Variants in METTL14 observed in about 807,000 individuals in gnomAD.
The protein encoded by METTL14 is methyltransferase 14, N6-adenosine-methyltransferase non-catalytic subunit, also known as N(6)-adenosine-methyltransferase non-catalytic subunit METTL14.
METTL14 carries 32 observed loss-of-function variants against 62.4 expected under a neutral mutation model. The observed-to-expected ratio is 0.51, with a 90% confidence interval of 0.39 to 0.69. The LOEUF (loss-of-function observed/expected upper bound fraction) is 0.69, where lower values mean the gene tolerates loss of function less well. Among genes scored for constraint, METTL14 ranks in the 30% least tolerant of loss-of-function variants. The pLI is 0.00. For synonymous variants in METTL14, 150 were observed against 180.0 expected, an observed-to-expected ratio of 0.83 and a Z score of 1.34; for missense variants, 340 against 551.9, an observed-to-expected ratio of 0.62 and a Z score of 3.85.
At chr4:118,703,092 T>C (rs1724652220) in intron 8 of METTL14, among the ~76,000 whole-genome samples, 1 of 151,966 alleles carries the variant, frequency 6.6e-6, no homozygotes, top group Admixed American at 6.6e-5. Context: ...GTATTTCTCC[T>C]AATGCTGTCC....
Position 118,689,458 on chromosome 4 carries a change from G to T in METTL14, c.243+1G>T. ...TGAAGACAAAATGGAAGAATATAAG[G>T]CAAGTAGAGAGTGAAATAAGTTTAT... On this transcript the variant is annotated splice_donor_variant, in intron 3 of 10. Transcript: ENST00000388822. LOFTEE classifies it high-confidence loss of function. 6.5e-7 allele frequency: 1 copy of T among 1,527,292 alleles called. No homozygotes were observed. Among genetic ancestry groups the T allele is most frequent in the Non-Finnish European group, 9.0e-7 (1 of 1,111,454 alleles). The allele number at this position is 1,527,292 out of a possible 1,614,324, so 94.6% of individuals were successfully genotyped here. A position where few individuals can be genotyped will look rare whatever the true frequency, so the allele number is the denominator to read the frequency against.
At chr4:118,691,341 AT>A (rs891274113) in intron 3 of METTL14, among the ~76,000 whole-genome samples, 190 bp from the exon 4 acceptor site, 6 of 152,224 alleles carry the variant, frequency 3.9e-5, no homozygotes, top group Admixed American at 3.3e-4. Context: ...ATGATAGGAA[AT>A]TTTTTTATGA....
chr4:118,693,577 A>G (rs1202366139), intron 5 of METTL14, among the ~76,000 whole-genome samples: 6 of 152,190 alleles, frequency 3.9e-5, no homozygotes, highest in African/African-American at 1.4e-4. Flanking sequence ...CTTGAAGTAG[A>G]GAAACTAATT....
intron 5 of METTL14, among the ~76,000 whole-genome samples, chr4:118,692,711 G>T (rs545529343): frequency 6.6e-6 from 1 of 151,068 alleles, no homozygotes; most frequent in South Asian, 2.1e-4. Flanking sequence ...ACTCAAAAGA[G>T]TTTTTTTTTA....
In METTL14 at chr4:118,701,173, G is replaced by GTTT. The variant is rs370557403; in HGVS notation, c.738+538_738+540dup. 3.0e-3 allele frequency among the ~76,000 whole-genome samples: 342 copies of GTTT among 114,004 alleles called. 9 individuals are homozygous for GTTT. The highest frequency in any genetic ancestry group is 9.4e-3 in the African/African-American group (320 of 34,030). The allele number at this position is 114,004 out of a possible 152,430, so 74.8% of individuals were successfully genotyped here. ...TTTTTATTTTTATTTTTTTATTGGA[G>GTTT]TTTTTTTTTGTTTTTTTTTGTTTTT... On this transcript the variant is annotated intron_variant, in intron 8 of 10. Coordinates refer to ENST00000388822, the MANE Select transcript of METTL14 (RefSeq NM_020961.4).
Position 118,697,295 on chromosome 4 carries a change from C to A in METTL14, c.617C>A (p.Ala206Asp). The A allele has an allele frequency of 6.2e-7, 1 of 1,606,832 alleles. No individual in the cohort carries two copies. The highest frequency in any genetic ancestry group is 8.5e-7 in the Non-Finnish European group (1 of 1,177,900). ...EEYYRETGIT[A>D]NEKCWTWDDI... ...TATTACAGAGAAACTGGCATCACTG[C>A]TAATGAAAAATGCTGGACTTGGGAT... is the stretch of plus-strand genomic sequence containing the variant. Residue 206 changes from alanine (A) to aspartate (D), a missense_variant, in exon 7 of 11, where the codon GCT becomes GAT. Around this residue, in one of 7 missense-constraint regions of METTL14, gnomAD observed 58 missense variants for 147.5 expected, o/e 0.39. Transcript: ENST00000388822.
intron 5 of METTL14, among the ~76,000 whole-genome samples, chr4:118,692,389 T>G (rs1387830739): frequency 6.6e-6 from 1 of 151,606 alleles, no homozygotes; most frequent in Non-Finnish European, 1.5e-5. Flanking sequence ...CCACCGTGCC[T>G]AGATAATTTT....
At chr4:118,691,381 G>A in intron 3 of METTL14, 151 bp from the exon 4 acceptor site, 1 of 516,012 alleles carries the variant, frequency 1.9e-6, no homozygotes, top group Non-Finnish European at 3.4e-6. Flanking sequence ...ATCTAATAAT[G>A]GGAAAGCAAA....
At chr4:118,701,183 G>GTTTTTTTTTTTTTTTTTT in intron 8 of METTL14, among the ~76,000 whole-genome samples, 1 of 132,250 alleles carries the variant, frequency 7.6e-6, no homozygotes, top group Non-Finnish European at 1.7e-5. Flanking sequence ...GTTTTTTTTT[G>GTTTTTTTTTTTTTTTTTT]TTTTTTTTTG....
intron 10 of METTL14, 66 bp from the exon 11 acceptor site, chr4:118,709,932 G>C: frequency 3.4e-6 from 5 of 1,459,430 alleles, no homozygotes; most frequent in Non-Finnish European, 3.7e-6. Flanking sequence ...ATTTGAACTA[G>C]CTTCTAAAGA....
At chr4:118,705,431 G>A (rs989297978) in intron 9 of METTL14, among the ~76,000 whole-genome samples, 180 bp from the exon 10 acceptor site, 1 of 152,208 alleles carries the variant, frequency 6.6e-6, no homozygotes, top group African/African-American at 2.4e-5. Context: ...CTGAGATCGT[G>A]CTACTGTACT....
chr4:118,699,901 G>A (rs1724536953), intron 7 of METTL14, among the ~76,000 whole-genome samples: 1 of 152,048 alleles, frequency 6.6e-6, no homozygotes, highest in African/African-American at 2.4e-5. Flanking sequence ...ATGTAAATAA[G>A]AAAAATGTTT....
At position 118,714,918 on chromosome 4, in the gene METTL14, A is replaced by G. The variant is rs1725010612; in HGVS notation, c.*4616A>G. 1.3e-5 allele frequency: 2 copies of G among 152,240 alleles called. No individual in the cohort carries two copies. The allele number at this position is 152,240 out of a possible 1,614,324, so 9.4% of individuals were successfully genotyped here. Reference sequence around the variant, plus strand: ...CATATTTAAATTATGCATGCATTGTAGCTGTATACTGTGTGACCACATTTA... The same window carrying G: ...CATATTTAAATTATGCATGCATTGTGGCTGTATACTGTGTGACCACATTTA... On this transcript the variant is annotated 3_prime_UTR_variant, in exon 11 of 11. Coordinates refer to ENST00000388822, the MANE Select transcript of METTL14 (RefSeq NM_020961.4).
chr4:118,696,117 C>CAAAAAAAAA lies in METTL14; in HGVS notation c.504-1045_504-1037dup, dbSNP rs70941201. Among the ~76,000 whole-genome samples, 101 of 33,910 alleles carry CAAAAAAAAA rather than the reference C, an allele frequency of 3.0e-3. 18 individuals are homozygous for CAAAAAAAAA. The highest frequency in any genetic ancestry group is 4.0e-3 in the South Asian group (2 of 496). The allele number at this position is 33,910 out of a possible 152,430, so 22.2% of individuals were successfully genotyped here. On this transcript the variant is annotated intron_variant, in intron 6 of 10. Transcript: ENST00000388822. ...CTGGCAACAGAGTGAGACTCTGTCT[C>CAAAAAAAAA]AAAAAAAAAAAAAAAAAAAAAAAAA...
At chr4:118,691,393 AC>A in intron 3 of METTL14, 138 bp from the exon 4 acceptor site, 1 of 543,478 alleles carries the variant, frequency 1.8e-6, no homozygotes, top group Non-Finnish European at 3.2e-6. Flanking sequence ...GAAAGCAAAG[AC>A]TTCAATGTTT....
At chr4:118,703,783 T>TAACCCCA in intron 8 of METTL14, 152 bp from the exon 9 acceptor site, 1 of 521,362 alleles carries the variant, frequency 1.9e-6, no homozygotes. Context: ...GGCATTTCTT[T>TAACCCCA]TTATATTCTA....
chr4:118,705,562 G>A (rs1724731798), intron 9 of METTL14, 49 bp from the exon 10 acceptor site: 2 of 1,445,278 alleles, frequency 1.4e-6, no homozygotes, highest in Non-Finnish European at 1.9e-6. Context: ...AAAGGTTTTG[G>A]AATGACTGTT....
intron 8 of METTL14, among the ~76,000 whole-genome samples, 181 bp downstream of exon 8, chr4:118,700,823 G>C (rs1724566696): frequency 6.6e-6 from 1 of 152,146 alleles, no homozygotes; most frequent in Non-Finnish European, 1.5e-5. Context: ...TTGTAAGTTA[G>C]TTTACCAGCA....
At chr4:118,708,000 A>G (rs779773174) in intron 10 of METTL14, among the ~76,000 whole-genome samples, 21 of 151,916 alleles carry the variant, frequency 1.4e-4, no homozygotes, top group Non-Finnish European at 2.5e-4. Flanking sequence ...AATTTTTTGT[A>G]TTTTTAGTAG....
Sources: gnomAD v4.1 joint callset for allele counts (sites outside exome capture counted in the v4.1 genomes callset) on GRCh38, gnomAD v4.1.1 for gene constraint, gnomAD v4.1.1 regional missense constraint, MANE v1.5 for transcripts, NCBI Gene and HGNC (gene_info 2026-07-23, HGNC 2026-07-21) for gene names.